The following NR3C2 variants were observed in gnomAD, a reference collection of about 807,000 sequenced individuals.
NR3C2 encodes nuclear receptor subfamily 3 group C member 2, also known as mineralocorticoid receptor.
In NR3C2, 15 loss-of-function variants were observed where a neutral mutation model predicts 86.4. That is an observed-to-expected ratio of 0.17 (90% CI 0.12 to 0.27). NR3C2 has a LOEUF of 0.27. Ranked by LOEUF, NR3C2 falls within the 10% of genes least tolerant of loss-of-function variation. The probability of loss-of-function intolerance (pLI) is 1.00; values close to 1 mark genes in which losing one functional copy is unlikely to be tolerated. For synonymous variants in NR3C2, 458 were observed against 450.5 expected, an observed-to-expected ratio of 1.02 and a Z score of -0.21; for missense variants, 960 against 1,195.6, an observed-to-expected ratio of 0.80 and a Z score of 2.91.
At chr4:148,086,140 C>T (rs558728859) in intron 8 of NR3C2, among the ~76,000 whole-genome samples, 4 of 152,294 alleles carry the variant, frequency 2.6e-5, no homozygotes, top group South Asian at 2.1e-4. Flanking sequence ...AGGCCAGCAT[C>T]GTCCTGATAC....
At chr4:148,254,510 C>T (rs188671009) in intron 3 of NR3C2, among the ~76,000 whole-genome samples, 140 of 152,290 alleles carry the variant, frequency 9.2e-4, no homozygotes, top group Admixed American at 2.3e-3. Flanking sequence ...TGTCATGGCT[C>T]TATGTGTTCC....
chr4:148,241,314 AAAAAAAAAAAAAAAAAAAAG>A (rs1460386487), intron 3 of NR3C2, among the ~76,000 whole-genome samples: 2 of 142,732 alleles, frequency 1.4e-5, no homozygotes, highest in Admixed American at 7.0e-5. Flanking sequence ...TCAAAAAAAA[AAAAAAAAAAAAAAAAAAAAG>A]GGGAAAAATA....
intron 3 of NR3C2, among the ~76,000 whole-genome samples, chr4:148,211,663 G>A (rs774961258): frequency 2.4e-4 from 36 of 152,268 alleles, no homozygotes; most frequent in African/African-American, 6.3e-4. Context: ...ATCAAGTTAC[G>A]TGAAATAATG....
intron 2 of NR3C2, among the ~76,000 whole-genome samples, chr4:148,336,960 T>C (rs1351138009): frequency 6.6e-6 from 1 of 152,088 alleles, no homozygotes; most frequent in African/African-American, 2.4e-5. Flanking sequence ...CCTGACTAAT[T>C]TTTTTTACAT....
intron 2 of NR3C2, among the ~76,000 whole-genome samples, chr4:148,333,955 T>G (rs1744356942): frequency 6.6e-6 from 1 of 152,308 alleles, no homozygotes; most frequent in Admixed American, 6.5e-5. Context: ...ACAAAATCTA[T>G]TTAAAAATAA....
intron 3 of NR3C2, among the ~76,000 whole-genome samples, chr4:148,211,361 C>G (rs544710898): frequency 2.6e-5 from 4 of 152,086 alleles, no homozygotes; most frequent in Non-Finnish European, 4.4e-5. Flanking sequence ...TGTGATCACA[C>G]GAGAATCTTT....
intron 2 of NR3C2, among the ~76,000 whole-genome samples, chr4:148,288,799 C>T (rs1025183528): frequency 9.2e-5 from 14 of 152,244 alleles, no homozygotes; most frequent in African/African-American, 2.6e-4. Context: ...CTCAGCCATG[C>T]CCAAATCAGA....
At chr4:148,411,754 C>A (rs570751609) in intron 2 of NR3C2, among the ~76,000 whole-genome samples, 1 of 152,318 alleles carries the variant, frequency 6.6e-6, no homozygotes, top group African/African-American at 2.4e-5. Context: ...ACAACCAGAG[C>A]AAGCTCTAAG....
At chr4:148,389,446 G>A (rs566421850) in intron 2 of NR3C2, among the ~76,000 whole-genome samples, 34 of 152,154 alleles carry the variant, frequency 2.2e-4, no homozygotes, top group African/African-American at 2.9e-4. Context: ...AAAATTTACC[G>A]TCTCTCCTCT....
intron 2 of NR3C2, among the ~76,000 whole-genome samples, chr4:148,377,919 A>G (rs17581884): frequency 0.1 from 15,799 of 152,284 alleles, 976 homozygotes; most frequent in Middle Eastern, 0.3. Context: ...TGTGTGGTAC[A>G]AATGAAGACC....
chr4:148,417,018 C>A (rs1486945084), intron 2 of NR3C2, among the ~76,000 whole-genome samples: 2 of 152,114 alleles, frequency 1.3e-5, no homozygotes, highest in Non-Finnish European at 2.9e-5. Flanking sequence ...CTCAGGTGAT[C>A]CACCCGCCTC....
At chr4:148,377,423 G>C (rs1261412439) in intron 2 of NR3C2, among the ~76,000 whole-genome samples, 1 of 152,174 alleles carries the variant, frequency 6.6e-6, no homozygotes, top group Non-Finnish European at 1.5e-5. Context: ...ACAGCAAAGA[G>C]AGTTTTATTT....
intron 2 of NR3C2, among the ~76,000 whole-genome samples, chr4:148,295,123 T>C (rs895020848): frequency 6.6e-6 from 1 of 152,130 alleles, no homozygotes; most frequent in African/African-American, 2.4e-5. Flanking sequence ...TAATGAAAAC[T>C]ACAAAGGTAA....
chr4:148,235,967 T>G (rs1174716146), intron 3 of NR3C2, among the ~76,000 whole-genome samples: 1 of 152,200 alleles, frequency 6.6e-6, no homozygotes, highest in Non-Finnish European at 1.5e-5. Flanking sequence ...CCATATATCT[T>G]CTCCCTTGGC....
At chr4:148,094,753 A>C (rs915761857) in intron 8 of NR3C2, among the ~76,000 whole-genome samples, 7 of 141,256 alleles carry the variant, frequency 5.0e-5, no homozygotes, top group East Asian at 2.0e-4. Flanking sequence ...ACAAAAAAAA[A>C]ACAAAATATG....
rs113650794 is a variant in NR3C2, at chr4:148,142,869, T to G, written c.2510+9600A>C. ...CTAAATGCTGTCCTCCCGCTGACAG[T>G]GCTCATTTAAAAGTGTGTGGCGCAT... On this transcript the variant is annotated intron_variant, in intron 6 of 8. Coordinates refer to ENST00000358102, the MANE Select transcript of NR3C2 (RefSeq NM_000901.5). Among the ~76,000 whole-genome samples the G allele has an allele frequency of 5.3e-3, 801 of 152,244 alleles. 8 individuals are homozygous for G. The highest frequency in any genetic ancestry group is 0.016 in the African/African-American group (678 of 41,542).
At chr4:148,290,793 C>T (rs1741760714) in intron 2 of NR3C2, among the ~76,000 whole-genome samples, 1 of 152,176 alleles carries the variant, frequency 6.6e-6, no homozygotes, top group Non-Finnish European at 1.5e-5. Context: ...AGTCTATCAT[C>T]ACTTCTGATA....
intron 2 of NR3C2, among the ~76,000 whole-genome samples, chr4:148,428,289 C>T (rs1749646446): frequency 1.3e-5 from 2 of 152,134 alleles, no homozygotes; most frequent in Admixed American, 6.5e-5. Flanking sequence ...ATATTCCTGC[C>T]AAAGGTACAT....
At chr4:148,241,114 T>C (rs1739010243) in intron 3 of NR3C2, among the ~76,000 whole-genome samples, 1 of 151,924 alleles carries the variant, frequency 6.6e-6, no homozygotes, top group Non-Finnish European at 1.5e-5. Flanking sequence ...GAGACCAGCC[T>C]GGCCAACATG....
Sources: gnomAD v4.1 joint callset for allele counts (sites outside exome capture counted in the v4.1 genomes callset) on GRCh38, gnomAD v4.1.1 for gene constraint, MANE v1.5 for transcripts, NCBI Gene and HGNC (gene_info 2026-07-23, HGNC 2026-07-21) for gene names.